Variants in MAF observed in about 807,000 individuals in gnomAD.
The protein encoded by MAF is MAF bZIP transcription factor.
A neutral mutation model predicts 22.0 loss-of-function variants in MAF; 10 were observed. That is an observed-to-expected ratio of 0.45 (90% CI 0.28 to 0.77). The LOEUF is 0.77. Among genes scored for constraint, MAF ranks in the 30% least tolerant of loss-of-function variants. The pLI is 0.12. For missense variants in MAF, 544 were observed against 548.4 expected (o/e 0.99, Z 0.08); for synonymous variants, 337 against 255.8 (o/e 1.32, Z -3.03).
At chr16:79,503,959 T>A in the MAF span, among the ~76,000 whole-genome samples, 2 of 152,356 alleles carry the variant, frequency 1.3e-5, no homozygotes, top group African/African-American at 4.8e-5. Flanking sequence ...AATCCATAAT[T>A]TCTGTCTGTA....
the MAF span, among the ~76,000 whole-genome samples, chr16:79,261,399 C>A: frequency 6.6e-6 from 1 of 152,152 alleles, no homozygotes. Flanking sequence ...GTGATCCACC[C>A]GCCTCGGCCT....
chr16:79,458,018 T>A, the MAF span, among the ~76,000 whole-genome samples: 1 of 152,102 alleles, frequency 6.6e-6, no homozygotes, highest in Non-Finnish European at 1.5e-5. Flanking sequence ...AGAGATATTT[T>A]TTTTTCAATA....
At chr16:79,560,973 G>T in the MAF span, among the ~76,000 whole-genome samples, 1 of 152,156 alleles carries the variant, frequency 6.6e-6, no homozygotes, top group Admixed American at 6.5e-5. Context: ...ACCCATCCTT[G>T]CCTAGGGGAT....
the MAF span, among the ~76,000 whole-genome samples, chr16:79,238,016 T>G: frequency 2.0e-5 from 3 of 152,068 alleles, 1 homozygote; most frequent in Non-Finnish European, 4.4e-5. Context: ...TGTGTCACCT[T>G]TTGACCTTCT....
the MAF span, among the ~76,000 whole-genome samples, chr16:79,327,249 G>A: frequency 1.3e-5 from 2 of 152,136 alleles, no homozygotes; most frequent in Non-Finnish European, 2.9e-5. Context: ...TGTGGTGGAG[G>A]GTATAGAACT....
the MAF span, among the ~76,000 whole-genome samples, chr16:79,464,380 G>T: frequency 2.5e-4 from 38 of 152,108 alleles, no homozygotes; most frequent in Non-Finnish European, 1.9e-4. Flanking sequence ...CACAGTAGCC[G>T]TGAAGACATA....
chr16:79,408,169 T>C, the MAF span, among the ~76,000 whole-genome samples: 1 of 150,030 alleles, frequency 6.7e-6, no homozygotes, highest in African/African-American at 2.5e-5. Flanking sequence ...GCTAACATCG[T>C]GGCTTTTCTT....
chr16:79,212,127 T>G, the MAF span: 1 of 1,531,192 alleles, frequency 6.5e-7, no homozygotes. Context: ...TGTTATAGAA[T>G]AGCCTGAGGT....
chr16:79,450,431 A>G, the MAF span, among the ~76,000 whole-genome samples: 1 of 152,252 alleles, frequency 6.6e-6, no homozygotes, highest in Non-Finnish European at 1.5e-5. Flanking sequence ...AATTGTTTCC[A>G]TTAAGCTGAA....
At chr16:79,304,936 G>C in the MAF span, among the ~76,000 whole-genome samples, 2 of 152,152 alleles carry the variant, frequency 1.3e-5, no homozygotes, top group Non-Finnish European at 2.9e-5. Context: ...ATAATAAATA[G>C]GGAGTTTCTA....
the MAF span, among the ~76,000 whole-genome samples, chr16:79,258,320 C>T: frequency 6.6e-6 from 1 of 152,188 alleles, no homozygotes; most frequent in Non-Finnish European, 1.5e-5. Context: ...GCAGAGTGGT[C>T]AGTCACCTGC....
chr16:79,395,000 C>G, the MAF span, among the ~76,000 whole-genome samples: 1 of 152,152 alleles, frequency 6.6e-6, no homozygotes, highest in East Asian at 1.9e-4. Flanking sequence ...ATAGTAGATG[C>G]TTATTAAATG....
the MAF span, among the ~76,000 whole-genome samples, chr16:79,286,213 C>T: frequency 1.3e-5 from 2 of 152,104 alleles, no homozygotes; most frequent in South Asian, 4.2e-4. Context: ...GTTTAAAAAC[C>T]GTTTAGAATT....
At chr16:79,242,897 C>T in the MAF span, among the ~76,000 whole-genome samples, 264 of 152,166 alleles carry the variant, frequency 1.7e-3, 2 homozygotes, top group African/African-American at 6.1e-3. Flanking sequence ...TTTAAAAACT[C>T]ACTCAAAACC....
the MAF span, among the ~76,000 whole-genome samples, chr16:79,238,610 T>A: frequency 6.6e-6 from 1 of 151,970 alleles, no homozygotes; most frequent in South Asian, 2.1e-4. Flanking sequence ...TCTCTGGAAA[T>A]GGGAATGAGG....
At chr16:79,356,255 T>C in the MAF span, among the ~76,000 whole-genome samples, 392 of 152,202 alleles carry the variant, frequency 2.6e-3, 2 homozygotes, top group African/African-American at 9.1e-3. Flanking sequence ...TACCCTGCCA[T>C]CACACATGCG....
At chr16:79,501,529 AG>A in the MAF span, among the ~76,000 whole-genome samples, 5 of 151,988 alleles carry the variant, frequency 3.3e-5, no homozygotes, top group African/African-American at 1.2e-4. Flanking sequence ...AAAATGCTTG[AG>A]GCCACATTGC....
At chr16:79,393,066 A>C in the MAF span, among the ~76,000 whole-genome samples, 1 of 152,234 alleles carries the variant, frequency 6.6e-6, no homozygotes, top group African/African-American at 2.4e-5. Flanking sequence ...CCAGGGGTAA[A>C]ACATTCCCTT....
At chr16:79,350,418 G>T in the MAF span, among the ~76,000 whole-genome samples, 22 of 152,194 alleles carry the variant, frequency 1.4e-4, no homozygotes, top group African/African-American at 5.1e-4. Context: ...AAATTCTATA[G>T]CAGATAAATG....
Sources: allele counts gnomAD v4.1 joint callset (sites outside exome capture counted in the v4.1 genomes callset), GRCh38; gene constraint gnomAD v4.1.1; transcripts MANE v1.5; gene names NCBI Gene and HGNC (gene_info 2026-07-23, HGNC 2026-07-21).